Variants in LRRC66 observed in about 807,000 individuals in gnomAD.
The protein encoded by LRRC66 is leucine-rich repeat-containing protein 66.
Under a neutral mutation model 24.6 loss-of-function variants are expected in LRRC66, and 29 were observed. The observed-to-expected ratio is 1.18, with a 90% CI of 0.88 to 1.61. LRRC66 has a LOEUF of 1.61. LRRC66 is among the 40% of genes most tolerant of loss of function. LRRC66 has a pLI of 0.00. For synonymous variants in LRRC66, 411 were observed against 397.6 expected (o/e 1.03, Z -0.40); for missense variants, 1,124 against 1,058.0 (o/e 1.06, Z -0.87).
In LRRC66 at chr4:51,995,816, G is replaced by A. The variant is rs1356380100; in HGVS notation, c.1206C>T (p.Asp402=). The A allele has an allele frequency of 1.2e-6, 2 of 1,614,166 alleles. No homozygotes were observed. Among genetic ancestry groups the A allele is most frequent in the Admixed American group, 1.7e-5 (1 of 60,022 alleles). ...TCTGGCACTTTTTTTGCCACAGTCT[G>A]TCAACATAAGGCCTTGTGAAAGCCC... ...SLGAFTRPYV[D]RLWQKKCQSK... Residue 402 remains aspartate (D), a synonymous_variant, in exon 5 of 5, where the codon GAC becomes GAT. Coordinates refer to ENST00000682860, the MANE Select transcript of LRRC66 (RefSeq NM_001024611.3).
At chr4:52,010,496 A>G (rs1339512368) in intron 2 of LRRC66, among the ~76,000 whole-genome samples, 1 of 152,064 alleles carries the variant, frequency 6.6e-6, no homozygotes, top group Non-Finnish European at 1.5e-5. Flanking sequence ...TCCTCCTTCT[A>G]GTGGTCCCCA....
chr4:51,994,079 A>C lies in LRRC66; in HGVS notation c.*300T>G. 1 of 275,372 alleles carries C rather than the reference A, an allele frequency of 3.6e-6. No individual in the cohort carries two copies. The highest frequency in any genetic ancestry group is 6.8e-6 in the Non-Finnish European group (1 of 147,338). The allele number at this position is 275,372 out of a possible 1,614,324, so 17.1% of individuals were successfully genotyped here. On this transcript the variant is annotated 3_prime_UTR_variant, in exon 5 of 5. Transcript: ENST00000682860. The stretch of plus-strand genomic sequence containing the variant: ...TTCTCAGTGAACTGGTTTTGTTTGG[A>C]GCTCTTGTAATAATGGTGCATGGTT...
Position 51,995,573 on chromosome 4 carries a change from G to T in LRRC66, c.1449C>A (p.Gly483=). ...CGCACTGTCCTGGGCTCTGCGAACT[G>T]CCAGGATCCTTTCTGCTCCTTCCCA... ...RTLGRSRKDP[G]SSQSPGQCGD... The change falls in exon 5 of 5, where the codon GGC becomes GGA. Residue 483 remains glycine, a synonymous_variant. Transcript: ENST00000682860. 1.2e-6 allele frequency: 2 copies of T among 1,614,120 alleles called. No individual in the cohort carries two copies. Among genetic ancestry groups the T allele is most frequent in the Non-Finnish European group, 1.7e-6 (2 of 1,180,026 alleles).
At chr4:52,016,974 C>T (rs1736825396) in intron 2 of LRRC66, 144 bp downstream of exon 2, 1 of 892,340 alleles carries the variant, frequency 1.1e-6, no homozygotes, top group Non-Finnish European at 1.7e-6. Flanking sequence ...TCCAATGCCA[C>T]TAAGAAACAT....
At chr4:52,007,632 AG>A (rs1328183452) in intron 2 of LRRC66, among the ~76,000 whole-genome samples, 1 of 152,234 alleles carries the variant, frequency 6.6e-6, no homozygotes, top group Non-Finnish European at 1.5e-5. Flanking sequence ...AGTGGAAGCC[AG>A]GTCCATTAGT....
intron 2 of LRRC66, among the ~76,000 whole-genome samples, chr4:52,014,098 A>G (rs1736758793): frequency 6.6e-6 from 1 of 152,188 alleles, no homozygotes; most frequent in Non-Finnish European, 1.5e-5. Context: ...TACTAAAAAT[A>G]CAAAATTAGC....
intron 2 of LRRC66, among the ~76,000 whole-genome samples, chr4:52,015,483 A>G (rs1736788771): frequency 6.6e-6 from 1 of 152,190 alleles, no homozygotes; most frequent in South Asian, 2.1e-4. Flanking sequence ...ATGCCTTGTT[A>G]GAGTATACGA....
chr4:52,000,010 G>T (rs1736412422), intron 3 of LRRC66, among the ~76,000 whole-genome samples: 2 of 152,138 alleles, frequency 1.3e-5, no homozygotes, highest in Admixed American at 6.5e-5. Context: ...AAATCACATA[G>T]AATAGTGCAA....
intron 2 of LRRC66, 24 bp downstream of exon 2, chr4:52,017,094 C>T (rs767840629): frequency 6.4e-7 from 1 of 1,574,318 alleles, no homozygotes; most frequent in South Asian, 1.2e-5. Flanking sequence ...CATTGTTTCT[C>T]TGCCTAGTTA....
In LRRC66 at chr4:51,995,422, G is replaced by T. The variant is rs757352898; in HGVS notation, c.1600C>A (p.Leu534Ile). The change falls in exon 5 of 5, where the codon CTC becomes ATC. Residue 534 changes from leucine to isoleucine, a missense_variant. Leu to Ile is a conservative substitution (Grantham distance 5). Transcript: ENST00000682860. ...AQDHIHRNDILGEWTYETVAQ... is the reference protein window; with the variant it reads ...AQDHIHRNDIIGEWTYETVAQ... Reference sequence around the variant, plus strand: ...ACAGTTTCATAAGTCCATTCTCCGAGAATATCATTCCTATGGATGTGGTCC... The same window carrying T: ...ACAGTTTCATAAGTCCATTCTCCGATAATATCATTCCTATGGATGTGGTCC... 2.5e-6 allele frequency: 4 copies of T among 1,614,162 alleles called. 1 individual carries two copies. In the Admixed American group the frequency reaches 5.0e-5, roughly 20 times the overall value.
In LRRC66 at chr4:51,994,592, C is replaced by T. The variant is rs886587872; in HGVS notation, c.2430G>A (p.Gly810=). The T allele has an allele frequency of 1.2e-6, 2 of 1,614,188 alleles. No individual in the cohort carries two copies. Among genetic ancestry groups the T allele is most frequent in the Admixed American group, 1.7e-5 (1 of 60,024 alleles). Residue 810 remains glycine (G), a synonymous_variant, in exon 5 of 5, where the codon GGG becomes GGA. Transcript: ENST00000682860. ...GAAACTCATCCCCTAAGGGACTATT[C>T]CCTGGTGACCTGGGCCAGGGTGACA... ...EGLSPWPRSP[G]NSPLGDEFPG...
chr4:52,000,161 T>C (rs1258724490), intron 3 of LRRC66, among the ~76,000 whole-genome samples: 1 of 152,066 alleles, frequency 6.6e-6, no homozygotes, highest in Non-Finnish European at 1.5e-5. Flanking sequence ...GGAGAAGAAA[T>C]GGTATGATTC....
In LRRC66 at chr4:51,995,219, T is replaced by C. The variant is rs1217054563; in HGVS notation, c.1803A>G (p.Gly601=). 6.2e-7 allele frequency: 1 copy of C among 1,614,168 alleles called. No individual in the cohort carries two copies. The highest frequency in any genetic ancestry group is 1.7e-5 in the Admixed American group (1 of 60,018). The stretch of plus-strand genomic sequence containing the variant: ...CAGTGCCCCCTCTTTCCTTACTATC[T>C]CCAGTCCTCTGTGCTTCTGCATGTG... ...MLTHAEAQRT[G]DSKERGGTEQ... Residue 601 remains glycine (G), a synonymous_variant, in exon 5 of 5, where the codon GGA becomes GGG. Transcript: ENST00000682860.
At chr4:51,998,781 G>C (rs1736381061) in intron 3 of LRRC66, among the ~76,000 whole-genome samples, 1 of 152,228 alleles carries the variant, frequency 6.6e-6, no homozygotes. Flanking sequence ...AGCTTTAGCT[G>C]CCATTTGCCG....
intron 2 of LRRC66, among the ~76,000 whole-genome samples, chr4:52,006,847 A>G (rs2110198840): frequency 6.6e-6 from 1 of 152,232 alleles, no homozygotes; most frequent in South Asian, 2.1e-4. Context: ...TTAATCTTCA[A>G]AAAGCCTGAG....
intron 2 of LRRC66, among the ~76,000 whole-genome samples, chr4:52,003,619 T>C (rs568589532): frequency 6.6e-6 from 1 of 152,270 alleles, no homozygotes; most frequent in East Asian, 1.9e-4. Context: ...TGCAGAATAG[T>C]ATAAAGTCCA....
At chr4:52,002,879 C>A (rs543108513) in intron 3 of LRRC66, among the ~76,000 whole-genome samples, 16 of 152,308 alleles carry the variant, frequency 1.1e-4, no homozygotes, top group Admixed American at 2.6e-4. Flanking sequence ...TTTGACCAAT[C>A]TTGTAGCTTA....
At chr4:51,999,382 C>T (rs975581648) in intron 3 of LRRC66, among the ~76,000 whole-genome samples, 1 of 152,134 alleles carries the variant, frequency 6.6e-6, no homozygotes, top group Non-Finnish European at 1.5e-5. Flanking sequence ...CATACAGAAT[C>T]ACAATTTTTT....
rs1272346425 is a variant in LRRC66, at chr4:52,018,652, A to G, written c.-5-1034T>C. ...TTTCCTACAATAACGTATTTCCTAT[A>G]TTATTCCTTCATTTGAAATCCTCAA... On this transcript the variant is annotated intron_variant, in intron 1 of 4. Coordinates refer to ENST00000682860, the MANE Select transcript of LRRC66 (RefSeq NM_001024611.3). 4 of 944,416 alleles carry G rather than the reference A, an allele frequency of 4.2e-6. No individual in the cohort carries two copies. In the East Asian group the frequency reaches 4.6e-4, roughly 110 times the overall value. 58.5% of individuals were successfully genotyped at this position (944,416 alleles called of 1,614,324 possible).
Sources: allele counts gnomAD v4.1 joint callset (sites outside exome capture counted in the v4.1 genomes callset), GRCh38; gene constraint gnomAD v4.1.1; transcripts MANE v1.5; gene names NCBI Gene and HGNC (gene_info 2026-07-23, HGNC 2026-07-21).